Variants in IL1RAPL2 observed in about 807,000 individuals in gnomAD.
The protein encoded by IL1RAPL2 is interleukin 1 receptor accessory protein like 2.
A neutral mutation model predicts 44.1 loss-of-function variants in IL1RAPL2; 3 were observed. The ratio of observed to expected loss-of-function variants is 0.07; its 90% CI spans 0.03 to 0.18. IL1RAPL2 has a LOEUF of 0.18. Ranked by LOEUF, IL1RAPL2 falls within the 10% of genes least tolerant of loss-of-function variation. The pLI, the probability that IL1RAPL2 is intolerant of heterozygous loss-of-function variation, is 1.00. For missense variants in IL1RAPL2, 391 were observed against 496.4 expected (o/e 0.79, Z 2.02); for synonymous variants, 181 against 178.8 (o/e 1.01, Z -0.10).
chrX:104,850,120 G>A (rs1225658232), intron 2 of IL1RAPL2, among the ~76,000 whole-genome samples: 1 of 111,410 alleles, frequency 9.0e-6, no homozygotes, highest in African/African-American at 3.3e-5. Context: ...TAGTTTACAT[G>A]GGTAAATTTT....
chrX:104,838,738 T>A (rs1921811235), intron 2 of IL1RAPL2, among the ~76,000 whole-genome samples: 1 of 110,548 alleles, frequency 9.0e-6, no homozygotes, highest in African/African-American at 3.3e-5. Flanking sequence ...TTGATTGTCC[T>A]GGCCAGAACT....
rs568522935 is a variant in IL1RAPL2 at position 105,405,039 on chromosome X, G to T, written c.698-79274G>T. Among the ~76,000 whole-genome samples the T allele has an allele frequency of 5.0e-3, 560 of 111,489 alleles. 6 individuals are homozygous for T. Among genetic ancestry groups the T allele is most frequent in the African/African-American group, 0.017 (525 of 30,684 alleles). On this transcript the variant is annotated intron_variant, in intron 5 of 10. Transcript: ENST00000372582. Reference sequence around the variant, plus strand: ...ATATGGTTATATACATATATATAGAGAGAGAGACTTGTTTTTGATAAGTGA... The same window carrying T: ...ATATGGTTATATACATATATATAGATAGAGAGACTTGTTTTTGATAAGTGA...
intron 6 of IL1RAPL2, among the ~76,000 whole-genome samples, chrX:105,598,113 T>C (rs758913708): frequency 1.8e-5 from 2 of 111,242 alleles, no homozygotes; most frequent in East Asian, 5.7e-4. Flanking sequence ...GAGATCATAA[T>C]AGCATTTAAC....
chrX:105,356,533 A>G (rs2035204501), intron 5 of IL1RAPL2, among the ~76,000 whole-genome samples: 1 of 111,626 alleles, frequency 9.0e-6, no homozygotes, highest in Admixed American at 9.6e-5. Context: ...ACCTAAATGG[A>G]TAATGTTCTT....
chrX:104,947,448 T>C (rs1464394540), intron 2 of IL1RAPL2, among the ~76,000 whole-genome samples: 15 of 100,801 alleles, frequency 1.5e-4, no homozygotes, highest in Non-Finnish European at 2.0e-4. Context: ...ATTTTGGCTT[T>C]TGTTGCCATT....
At chrX:105,212,819 G>A (rs1165697506) in intron 3 of IL1RAPL2, among the ~76,000 whole-genome samples, 1 of 112,143 alleles carries the variant, frequency 8.9e-6, no homozygotes, top group Non-Finnish European at 1.9e-5. Context: ...GCCTCCACTG[G>A]TGATACCCAG....
chrX:105,366,379 T>C (rs2035295165), intron 5 of IL1RAPL2, among the ~76,000 whole-genome samples: 1 of 110,896 alleles, frequency 9.0e-6, no homozygotes, highest in Non-Finnish European at 1.9e-5. Context: ...CTGATCTTTA[T>C]TATTTTCTTC....
intron 6 of IL1RAPL2, among the ~76,000 whole-genome samples, chrX:105,619,997 A>G (rs1296028020): frequency 9.0e-6 from 1 of 110,969 alleles, no homozygotes; most frequent in African/African-American, 3.3e-5. Flanking sequence ...AGATGAGATC[A>G]TGTCCCTAGA....
At chrX:104,672,290 C>T (rs775586794) in intron 2 of IL1RAPL2, among the ~76,000 whole-genome samples, 1 of 110,560 alleles carries the variant, frequency 9.0e-6, no homozygotes, top group African/African-American at 3.3e-5. Context: ...TATTCCCCTT[C>T]CTGTGTCCAT....
At chrX:104,592,377 A>T (rs1259085359) in intron 1 of IL1RAPL2, among the ~76,000 whole-genome samples, 1 of 110,339 alleles carries the variant, frequency 9.1e-6, no homozygotes, top group Non-Finnish European at 1.9e-5. Flanking sequence ...TGCAAAGGAA[A>T]ATTTGAGACT....
At position 104,836,256 on chromosome X, in the gene IL1RAPL2, A is replaced by T. The variant is rs1210891654; in HGVS notation, c.82+177261A>T. Among the ~76,000 whole-genome samples, 5 of 110,395 alleles carry T rather than the reference A, an allele frequency of 4.5e-5. No individual in the cohort carries two copies. The East Asian group carries it at 1.4e-3, about 31-fold the overall frequency. On this transcript the variant is annotated intron_variant, in intron 2 of 10. Transcript: ENST00000372582. ...CAGAGAGTAGAATGATGGTTACCAG[A>T]GGCTGGGTAGGATAGTGGGGGGCTG... is the stretch of plus-strand genomic sequence containing the variant.
intron 2 of IL1RAPL2, among the ~76,000 whole-genome samples, chrX:104,704,800 G>T (rs908788705): frequency 9.0e-6 from 1 of 111,648 alleles, no homozygotes; most frequent in African/African-American, 3.3e-5. Context: ...CTTAATTCCC[G>T]TTCCTACTCC....
intron 6 of IL1RAPL2, among the ~76,000 whole-genome samples, chrX:105,540,931 T>TAATAC (rs1278133392): frequency 2.7e-5 from 1 of 36,897 alleles, no homozygotes; most frequent in African/African-American, 1.1e-4. Context: ...ATATATAATA[T>TAATAC]ATACATATAT....
At chrX:105,042,009 A>G (rs1220441442) in intron 2 of IL1RAPL2, among the ~76,000 whole-genome samples, 1 of 110,839 alleles carries the variant, frequency 9.0e-6, no homozygotes, top group Non-Finnish European at 1.9e-5. Flanking sequence ...GGTGCTGGGA[A>G]AACTGGCTAG....
intron 5 of IL1RAPL2, among the ~76,000 whole-genome samples, chrX:105,280,227 T>C (rs1370153315): frequency 1.8e-5 from 2 of 111,829 alleles, no homozygotes; most frequent in Non-Finnish European, 3.8e-5. Context: ...CCTAGCCACA[T>C]GCAGAAAACT....
intron 6 of IL1RAPL2, among the ~76,000 whole-genome samples, chrX:105,696,970 C>T (rs2038080908): frequency 9.0e-6 from 1 of 111,189 alleles, no homozygotes; most frequent in Non-Finnish European, 1.9e-5. Flanking sequence ...TACTAGGCTC[C>T]TGATGAGGAC....
At chrX:104,875,721 TG>T (rs903323961) in intron 2 of IL1RAPL2, among the ~76,000 whole-genome samples, 2 of 111,971 alleles carry the variant, frequency 1.8e-5, no homozygotes, top group African/African-American at 6.5e-5. Context: ...TATTCAAAAT[TG>T]TTTCTCTCTC....
At chrX:104,878,793 A>T (rs752149773) in intron 2 of IL1RAPL2, among the ~76,000 whole-genome samples, 2 of 111,934 alleles carry the variant, frequency 1.8e-5, no homozygotes, top group Non-Finnish European at 3.8e-5. Context: ...GGATAATTCT[A>T]AAAAATATTA....
At chrX:105,492,766 T>G (rs1054167126) in intron 6 of IL1RAPL2, among the ~76,000 whole-genome samples, 2 of 110,517 alleles carry the variant, frequency 1.8e-5, no homozygotes, top group Non-Finnish European at 3.8e-5. Flanking sequence ...TTTAACAGTT[T>G]TATTATTATA....
Sources: gnomAD v4.1 joint callset for allele counts (sites outside exome capture counted in the v4.1 genomes callset) on GRCh38, gnomAD v4.1.1 for gene constraint, MANE v1.5 for transcripts, NCBI Gene and HGNC (gene_info 2026-07-23, HGNC 2026-07-21) for gene names.